Variants in PIP4K2B observed in about 807,000 individuals in gnomAD.
The protein encoded by PIP4K2B is phosphatidylinositol-5-phosphate 4-kinase type 2 beta.
A neutral mutation model predicts 42.0 loss-of-function variants in PIP4K2B; 3 were observed. The observed-to-expected ratio is 0.07, with a 90% CI of 0.03 to 0.18. The LOEUF (loss-of-function observed/expected upper bound fraction) is 0.18. PIP4K2B is among the 10% of genes least tolerant of loss of function. The pLI is 1.00. For synonymous variants in PIP4K2B, 204 were observed against 210.1 expected (o/e 0.97, Z 0.25); for missense variants, 332 against 562.3 (o/e 0.59, Z 4.14).
chr17:38,771,546 CAAA>C (rs58817119), intron 7 of PIP4K2B, among the ~76,000 whole-genome samples: 1 of 39,772 alleles, frequency 2.5e-5, no homozygotes, highest in Non-Finnish European at 4.7e-5. Context: ...GAGATGGTCT[CAAA>C]AAAAAAAAAA....
chr17:38,783,943 A>G (rs1254382920), intron 3 of PIP4K2B, among the ~76,000 whole-genome samples: 2 of 152,186 alleles, frequency 1.3e-5, no homozygotes, highest in Non-Finnish European at 2.9e-5. Flanking sequence ...AGGGTTCTTC[A>G]GCCTAGACTG....
chr17:38,783,421 G>A (rs981338907), intron 3 of PIP4K2B, among the ~76,000 whole-genome samples: 4 of 152,026 alleles, frequency 2.6e-5, no homozygotes, highest in African/African-American at 7.2e-5. Context: ...ACACTGTCAC[G>A]CCCTGAAGGG....
chr17:38,799,315 C>T lies in PIP4K2B; in HGVS notation c.110G>A (p.Arg37Gln). 6.2e-7 allele frequency: 1 copy of T among 1,607,850 alleles called. No individual in the cohort carries two copies. Among genetic ancestry groups the T allele is most frequent in the Non-Finnish European group, 8.5e-7 (1 of 1,177,624 alleles). The change falls in exon 1 of 10, where the codon CGG (arginine) becomes CAG (glutamine). Residue 37 changes from arginine (R) to glutamine (Q), a missense_variant. Transcript: ENST00000619039. The surrounding 1 kb of genome is among the most constrained non-coding windows in gnomAD (Gnocchi z 4.4). ...GACGCTGAGGATCGGCTCGCTGGCCCGGAATAGCTTCACTTTCTGGCACAC... is the reference window on the plus strand; with the variant it reads ...GACGCTGAGGATCGGCTCGCTGGCCTGGAATAGCTTCACTTTCTGGCACAC... The part of the protein sequence containing the change: ...HFVCQKVKLF[R>Q]ASEPILSVLM...
At chr17:38,793,924 C>G (rs1910480442) in intron 1 of PIP4K2B, among the ~76,000 whole-genome samples, 1 of 150,948 alleles carries the variant, frequency 6.6e-6, no homozygotes, top group South Asian at 2.1e-4. Flanking sequence ...ATGGACAGAA[C>G]AGAACTGGGG....
intron 1 of PIP4K2B, among the ~76,000 whole-genome samples, chr17:38,789,713 T>TG (rs1335687771): frequency 6.6e-6 from 1 of 152,158 alleles, no homozygotes; most frequent in African/African-American, 2.4e-5. Flanking sequence ...TTCCTAGAGT[T>TG]GGGAAAAAAC....
Position 38,786,919 on chromosome 17 carries a change from A to C in PIP4K2B, c.161T>G (p.Ile54Ser). 1 of 1,609,434 alleles carries C rather than the reference A, an allele frequency of 6.2e-7. No individual in the cohort carries two copies. Among genetic ancestry groups the C allele is most frequent in the South Asian group, 1.1e-5 (1 of 90,982 alleles). ...SVLMWGVNHT[I>S]NELSNVPVPV... Reference sequence around the variant, plus strand: ...AACAGGAACATTGCTCAGCTCATTGATCTGAAAAGCAAGGAGAACGTAAGG... The same window carrying C: ...AACAGGAACATTGCTCAGCTCATTGCTCTGAAAAGCAAGGAGAACGTAAGG... Residue 54 changes from isoleucine (I) to serine (S), a missense_variant and splice_region_variant, in exon 2 of 10, where the codon ATC becomes AGC. This residue lies in a region of PIP4K2B where 186 missense variants were observed against 288.4 expected (regional missense o/e 0.64). Coordinates refer to ENST00000619039, the MANE Select transcript of PIP4K2B (RefSeq NM_003559.5).
At chr17:38,775,294 T>G (rs889002787) in intron 7 of PIP4K2B, among the ~76,000 whole-genome samples, 5 of 152,090 alleles carry the variant, frequency 3.3e-5, no homozygotes, top group Non-Finnish European at 5.9e-5. Flanking sequence ...ACCCTCTAGT[T>G]CAGGCTGATG....
chr17:38,797,313 C>T (rs1192437507), intron 1 of PIP4K2B, among the ~76,000 whole-genome samples: 4 of 152,164 alleles, frequency 2.6e-5, no homozygotes, highest in Non-Finnish European at 4.4e-5. Context: ...GCCTGCCTAT[C>T]GGAACACCAT....
Position 38,799,242 on chromosome 17 carries a change from G to A in PIP4K2B, c.159+24C>T, listed in dbSNP as rs760049702. 7.6e-6 allele frequency: 12 copies of A among 1,571,918 alleles called. No individual in the cohort carries two copies. Among genetic ancestry groups the A allele is most frequent in the Non-Finnish European group, 9.5e-6 (11 of 1,162,430 alleles). On this transcript the variant is annotated intron_variant, in intron 1 of 9. Coordinates refer to ENST00000619039, the MANE Select transcript of PIP4K2B (RefSeq NM_003559.5). This position sits in a 1 kb window ranked among gnomAD's most constrained non-coding sequence, Gnocchi z 4.4. ...GTGGGAGCGCGCGGGGCCGCGCTCA[G>A]AGGGGCGCGCAGGAGCTGGTTACCG...
At chr17:38,794,797 A>G (rs974845234) in intron 1 of PIP4K2B, among the ~76,000 whole-genome samples, 31 of 152,160 alleles carry the variant, frequency 2.0e-4, no homozygotes, top group South Asian at 8.3e-4. Context: ...AAAAGATACC[A>G]TAAGAAAAAT....
At chr17:38,780,416 C>A in intron 4 of PIP4K2B, 36 bp downstream of exon 4, 1 of 1,572,406 alleles carries the variant, frequency 6.4e-7, no homozygotes. Context: ...CTCTTCCAAC[C>A]CATCCTCTGC....
Position 38,777,923 on chromosome 17 carries a change from C to G in PIP4K2B, c.694-123G>C, listed in dbSNP as rs1296475907. Reference sequence around the variant, plus strand: ...GAGGGGTTGTCAGTGTACCGACCCTCAACCTGCTAAATCAGCAGTGCAGGA... The same window carrying G: ...GAGGGGTTGTCAGTGTACCGACCCTGAACCTGCTAAATCAGCAGTGCAGGA... On this transcript the variant is annotated intron_variant, in intron 6 of 9. Transcript: ENST00000619039. 7 of 621,632 alleles carry G rather than the reference C, an allele frequency of 1.1e-5. No individual in the cohort carries two copies. In the East Asian group the frequency reaches 2.3e-4, roughly 20 times the overall value. 38.5% of individuals were successfully genotyped at this position (621,632 alleles called of 1,614,324 possible).
chr17:38,793,503 C>G (rs781730921), intron 1 of PIP4K2B, among the ~76,000 whole-genome samples: 1 of 152,134 alleles, frequency 6.6e-6, no homozygotes. Flanking sequence ...CTTGGCCTCC[C>G]TAACTGCTGG....
intron 7 of PIP4K2B, among the ~76,000 whole-genome samples, chr17:38,775,042 C>G (rs145577612): frequency 2.6e-5 from 4 of 151,754 alleles, no homozygotes; most frequent in Non-Finnish European, 5.9e-5. Flanking sequence ...CTCCGTCTCC[C>G]GGGTTCATGC....
chr17:38,771,152 C>G lies in PIP4K2B; in HGVS notation c.928G>C (p.Asp310His), dbSNP rs777156423. 6 of 1,614,162 alleles carry G rather than the reference C, an allele frequency of 3.7e-6. No individual in the cohort carries two copies. Among genetic ancestry groups the G allele is most frequent in the Non-Finnish European group, 5.1e-6 (6 of 1,180,024 alleles). The part of the protein sequence containing the change: ...ERAEDEECEN[D>H]GVGGNLLCSY... Reference sequence around the variant, plus strand: ...CAGAGTAGGTTGCCACCCACCCCATCATTCTCACACTCCTCGTCCTCTGCC... The same window carrying G: ...CAGAGTAGGTTGCCACCCACCCCATGATTCTCACACTCCTCGTCCTCTGCC... The change falls in exon 8 of 10, where the codon GAT becomes CAT. Residue 310 changes from aspartate to histidine, a missense_variant. Physicochemically the swap from Asp to His is moderately conservative, Grantham distance 81. Transcript: ENST00000619039.
At chr17:38,794,551 T>C (rs369072241) in intron 1 of PIP4K2B, among the ~76,000 whole-genome samples, 6 of 135,136 alleles carry the variant, frequency 4.4e-5, no homozygotes, top group African/African-American at 1.1e-4. Flanking sequence ...GTTGGGAGGA[T>C]TGCTTCAGGC....
rs1421537395 is a variant in PIP4K2B, at chr17:38,768,228, C to T, written c.*1463G>A. On this transcript the variant is annotated 3_prime_UTR_variant, in exon 10 of 10. Coordinates refer to ENST00000619039, the MANE Select transcript of PIP4K2B (RefSeq NM_003559.5). The stretch of plus-strand genomic sequence containing the variant: ...GGGGGTGAGAAGATGCAGGAATGTA[C>T]CTCCCCCAATGCAGAACAACAGAGC... The T allele has an allele frequency of 6.6e-6, 1 of 152,306 alleles. No individual in the cohort carries two copies. Among genetic ancestry groups the T allele is most frequent in the Non-Finnish European group, 1.5e-5 (1 of 68,070 alleles). The allele number at this position is 152,306 out of a possible 1,614,324, so 9.4% of individuals were successfully genotyped here.
intron 1 of PIP4K2B, among the ~76,000 whole-genome samples, chr17:38,797,670 G>A (rs1160887979): frequency 6.6e-6 from 1 of 152,208 alleles, no homozygotes; most frequent in Admixed American, 6.5e-5. Context: ...CTACAGACAG[G>A]TTGCTTTCTG....
intron 1 of PIP4K2B, among the ~76,000 whole-genome samples, chr17:38,796,630 C>T (rs1910672771): frequency 6.6e-6 from 1 of 152,234 alleles, no homozygotes; most frequent in Non-Finnish European, 1.5e-5. Flanking sequence ...TCCATGAGAG[C>T]AGCTCCTGTG....
Sources: gnomAD v4.1 joint callset for allele counts (sites outside exome capture counted in the v4.1 genomes callset) on GRCh38, gnomAD v4.1.1 for gene constraint, gnomAD v4.1.1 regional missense constraint, Gnocchi (gnomAD v3.1) non-coding constraint, MANE v1.5 for transcripts, NCBI Gene and HGNC (gene_info 2026-07-23, HGNC 2026-07-21) for gene names.